Variants in ADCY9 observed in about 807,000 individuals in gnomAD.
The protein encoded by ADCY9 is adenylate cyclase type 9.
Under a neutral mutation model 101.5 loss-of-function variants are expected in ADCY9, and 50 were observed. That is an observed-to-expected ratio of 0.49 (90% CI 0.39 to 0.62). The LOEUF (loss-of-function observed/expected upper bound fraction) is 0.62, where lower values mean the gene tolerates loss of function less well. Ranked by LOEUF, ADCY9 falls within the 20% of genes least tolerant of loss-of-function variation. ADCY9 has a pLI of 0.00. For synonymous variants in ADCY9, 905 were observed against 769.3 expected, an observed-to-expected ratio of 1.18 and a Z score of -2.92; for missense variants, 1,662 against 1,800.4, an observed-to-expected ratio of 0.92 and a Z score of 1.39.
intron 2 of ADCY9, among the ~76,000 whole-genome samples, chr16:4,084,137 G>T (rs1463895389): frequency 6.6e-6 from 1 of 151,784 alleles, no homozygotes; most frequent in East Asian, 1.9e-4. Flanking sequence ...TTTGACACAG[G>T]GTCTCACCCT....
At chr16:4,028,788 CT>C (rs895641666) in intron 2 of ADCY9, among the ~76,000 whole-genome samples, 7 of 149,056 alleles carry the variant, frequency 4.7e-5, no homozygotes, top group Admixed American at 6.7e-5. Context: ...TTCTTTTTTT[CT>C]TTTTTTTTTC....
At chr16:4,052,217 C>T (rs185455191) in intron 2 of ADCY9, among the ~76,000 whole-genome samples, 7 of 152,268 alleles carry the variant, frequency 4.6e-5, no homozygotes, top group East Asian at 1.9e-4. Context: ...AAGACAGAGA[C>T]GAAGGAACAG....
chr16:4,055,142 G>C (rs2141154010), intron 2 of ADCY9, among the ~76,000 whole-genome samples: 1 of 152,316 alleles, frequency 6.6e-6, no homozygotes, highest in South Asian at 2.1e-4. Context: ...CACTGTGGTA[G>C]CCAACAGCAG....
chr16:4,051,702 G>A (rs1057069538), intron 2 of ADCY9, among the ~76,000 whole-genome samples: 1 of 152,154 alleles, frequency 6.6e-6, no homozygotes, highest in Non-Finnish European at 1.5e-5. Flanking sequence ...AGGAGTCTAT[G>A]AGTGTATTGA....
chr16:4,088,691 C>G (rs1370859141), intron 2 of ADCY9, among the ~76,000 whole-genome samples: 3 of 152,008 alleles, frequency 2.0e-5, no homozygotes, highest in African/African-American at 7.2e-5. Flanking sequence ...CCTCATCCCT[C>G]TCCGCTCCAC....
At chr16:4,074,531 C>CAAA (rs774528288) in intron 2 of ADCY9, among the ~76,000 whole-genome samples, 1 of 90,908 alleles carries the variant, frequency 1.1e-5, no homozygotes, top group Admixed American at 1.2e-4. Flanking sequence ...TCTGCCTCCG[C>CAAA]AAAAAAAAAA....
chr16:4,107,967 G>A (rs556880306), intron 2 of ADCY9, among the ~76,000 whole-genome samples: 13 of 152,256 alleles, frequency 8.5e-5, no homozygotes, highest in Admixed American at 2.6e-4. Context: ...GCATACCAGC[G>A]GGTCTCCTCC....
chr16:4,104,051 GCA>G (rs1412071721), intron 2 of ADCY9, among the ~76,000 whole-genome samples: 1 of 152,144 alleles, frequency 6.6e-6, no homozygotes. Flanking sequence ...CTTTTTGGTA[GCA>G]CATTATTTAC....
Position 4,028,172 on chromosome 16 carries a change from G to A in ADCY9, c.1694-20614C>T, listed in dbSNP as rs76818904. 3.6e-3 allele frequency among the ~76,000 whole-genome samples: 554 copies of A among 152,254 alleles called. 8 individuals are homozygous for A. In the East Asian group the frequency reaches 0.053, roughly 15 times the overall value. ...TACATGTGTTATGATCCTTAGAACC[G>A]TATAGCAAGAGAAAAAAGTCAGTTC... is the stretch of plus-strand genomic sequence containing the variant. On this transcript the variant is annotated intron_variant, in intron 2 of 10. Coordinates refer to ENST00000294016, the MANE Select transcript of ADCY9 (RefSeq NM_001116.4).
At chr16:3,958,534 T>C (rs1283463924), downstream of ADCY9, among the ~76,000 whole-genome samples, 15 of 81,248 alleles carry the variant, frequency 1.8e-4, no homozygotes, top group African/African-American at 7.3e-4. Flanking sequence ...AGAGTGAAAC[T>C]CCGTCTCAAA....
rs1383424913 is a variant in ADCY9 at position 3,991,332 on chromosome 16, G to A, written c.2207+814C>T. ...CTAATGAGGAACAGACGGGCACTGC[G>A]TGTCCCTGGAGAGGACACCCTGAGG... On this transcript the variant is annotated intron_variant, in intron 5 of 10. Transcript: ENST00000294016. Among the ~76,000 whole-genome samples the A allele has an allele frequency of 2.0e-5, 3 of 152,136 alleles. No individual in the cohort carries two copies. In the South Asian group the frequency reaches 6.2e-4, roughly 32 times the overall value.
At chr16:4,001,544 C>T (rs1413348145) in intron 3 of ADCY9, among the ~76,000 whole-genome samples, 3 of 151,994 alleles carry the variant, frequency 2.0e-5, no homozygotes, top group Non-Finnish European at 4.4e-5. Context: ...CTATTCCTAC[C>T]CCGCCCCCCA....
intron 9 of ADCY9, 87 bp downstream of exon 9, chr16:3,977,395 G>A: frequency 6.8e-7 from 1 of 1,472,802 alleles, no homozygotes; most frequent in East Asian, 2.5e-5. Flanking sequence ...GGCGTGAGAA[G>A]CAATGTGCAA....
chr16:3,995,919 T>C (rs1304518976), intron 3 of ADCY9, among the ~76,000 whole-genome samples: 1 of 152,206 alleles, frequency 6.6e-6, no homozygotes, highest in East Asian at 1.9e-4. Flanking sequence ...TTAATTAACA[T>C]ATCTGAGCAA....
intron 2 of ADCY9, among the ~76,000 whole-genome samples, chr16:4,025,071 T>G (rs1597173432): frequency 4.1e-5 from 6 of 145,086 alleles, no homozygotes; most frequent in African/African-American, 1.0e-4. Context: ...GACAAAGGGG[T>G]AGGGAGGGGG....
At chr16:4,021,763 C>T (rs1316782369) in intron 2 of ADCY9, among the ~76,000 whole-genome samples, 1 of 152,314 alleles carries the variant, frequency 6.6e-6, no homozygotes. Context: ...GCGCTTCACA[C>T]GAGGACAATT....
At chr16:3,972,850 T>C (rs939547963) in intron 10 of ADCY9, among the ~76,000 whole-genome samples, 1 of 152,096 alleles carries the variant, frequency 6.6e-6, no homozygotes, top group Non-Finnish European at 1.5e-5. Context: ...GGTAGTTAAA[T>C]GGGTGTGTTC....
At chr16:3,958,596 G>A (rs114221350), downstream of ADCY9, among the ~76,000 whole-genome samples, 1,643 of 148,916 alleles carry the variant, frequency 0.011, 23 homozygotes, top group African/African-American at 0.038. Context: ...ATGGGCAGCA[G>A]CTGCCATGAG....
chr16:3,974,445 G>C (rs77717186), intron 10 of ADCY9, among the ~76,000 whole-genome samples: 1 of 152,162 alleles, frequency 6.6e-6, no homozygotes, highest in African/African-American at 2.4e-5. Flanking sequence ...AAAATTACAT[G>C]ACTGTAATGT....
Sources: allele counts gnomAD v4.1 joint callset (sites outside exome capture counted in the v4.1 genomes callset), GRCh38; gene constraint gnomAD v4.1.1; transcripts MANE v1.5; gene names NCBI Gene and HGNC (gene_info 2026-07-23, HGNC 2026-07-21).